Variants in CPA6 observed in about 807,000 individuals in gnomAD.
CPA6 encodes carboxypeptidase A6.
CPA6 carries 58 observed loss-of-function variants against 63.3 expected under a neutral mutation model. The ratio of observed to expected loss-of-function variants is 0.92; its 90% confidence interval spans 0.74 to 1.14. CPA6 has a LOEUF of 1.14. CPA6 is among the 50% of genes most tolerant of loss of function. CPA6 has a pLI of 0.00. For missense variants in CPA6, 565 were observed against 526.6 expected (o/e 1.07, Z -0.71); for synonymous variants, 185 against 179.0 (o/e 1.03, Z -0.27).
intron 6 of CPA6, among the ~76,000 whole-genome samples, chr8:67,499,161 T>C (rs2128963487): frequency 6.6e-6 from 1 of 152,278 alleles, no homozygotes; most frequent in South Asian, 2.1e-4. Flanking sequence ...CTCTACTAAA[T>C]TGGAATGGAG....
At chr8:67,589,577 T>C (rs1814048893) in intron 2 of CPA6, among the ~76,000 whole-genome samples, 1 of 152,200 alleles carries the variant, frequency 6.6e-6, no homozygotes, top group Admixed American at 6.5e-5. Flanking sequence ...TCAGAAGTTA[T>C]AGGGGTCTTA....
chr8:67,608,257 T>G lies in CPA6; in HGVS notation c.192+15919A>C, dbSNP rs549074183. On this transcript the variant is annotated intron_variant, in intron 2 of 10. Coordinates refer to ENST00000297770, the MANE Select transcript of CPA6 (RefSeq NM_020361.5). ...AGGCATTCCTGTTTTCATGCCGAAATATTGCCTTTTGGCCCACCATGTCCC... is the reference window on the plus strand; with the variant it reads ...AGGCATTCCTGTTTTCATGCCGAAAGATTGCCTTTTGGCCCACCATGTCCC... Among the ~76,000 whole-genome samples the G allele has an allele frequency of 1.1e-4, 17 of 152,236 alleles. No homozygotes were observed. In the South Asian group the frequency reaches 3.1e-3, roughly 28 times the overall value.
chr8:67,519,110 C>T (rs1484605), intron 2 of CPA6, among the ~76,000 whole-genome samples: 4,267 of 152,124 alleles, frequency 0.028, 204 homozygotes, highest in African/African-American at 0.096. Context: ...AGACCTCCCC[C>T]TTTGTAGTAA....
intron 2 of CPA6, among the ~76,000 whole-genome samples, chr8:67,527,964 T>G (rs1812399727): frequency 6.6e-6 from 1 of 152,164 alleles, no homozygotes; most frequent in African/African-American, 2.4e-5. Flanking sequence ...CCGGAGATGG[T>G]TCTGTCTCTC....
intron 1 of CPA6, among the ~76,000 whole-genome samples, chr8:67,644,530 G>A (rs767284159): frequency 6.6e-6 from 1 of 152,200 alleles, no homozygotes; most frequent in Non-Finnish European, 1.5e-5. Flanking sequence ...TGGGTTCTGT[G>A]TGAATAGAGG....
chr8:67,633,692 A>AG (rs1221137574), intron 1 of CPA6, among the ~76,000 whole-genome samples: 1 of 151,928 alleles, frequency 6.6e-6, no homozygotes, highest in Non-Finnish European at 1.5e-5. Flanking sequence ...AAAAAAAAAA[A>AG]AAAAAATCAA....
chr8:67,544,765 A>C (rs1182044071), intron 2 of CPA6, among the ~76,000 whole-genome samples: 1 of 152,126 alleles, frequency 6.6e-6, no homozygotes, highest in Non-Finnish European at 1.5e-5. Flanking sequence ...CTTTCGTACA[A>C]CTTAAACTTT....
chr8:67,723,317 T>G (rs1817537198), intron 1 of CPA6, among the ~76,000 whole-genome samples: 1 of 138,316 alleles, frequency 7.2e-6, no homozygotes, highest in African/African-American at 3.1e-5. Flanking sequence ...CTCTTAAAAC[T>G]TTTTTTGACA....
intron 2 of CPA6, among the ~76,000 whole-genome samples, chr8:67,596,179 A>G (rs1339575005): frequency 6.6e-6 from 1 of 152,214 alleles, no homozygotes; most frequent in Non-Finnish European, 1.5e-5. Flanking sequence ...CTCCCGAGGA[A>G]CACCCTTTAA....
intron 8 of CPA6, among the ~76,000 whole-genome samples, chr8:67,454,808 G>T (rs1222076923): frequency 3.3e-5 from 5 of 152,154 alleles, no homozygotes; most frequent in Non-Finnish European, 7.4e-5. Flanking sequence ...CACCTTTTTA[G>T]TTTTTAAGTA....
chr8:67,740,802 T>A (rs761262784), intron 1 of CPA6, among the ~76,000 whole-genome samples: 6 of 152,106 alleles, frequency 3.9e-5, no homozygotes, highest in Non-Finnish European at 8.8e-5. Flanking sequence ...ACTCCTGACC[T>A]CAGGTGATCC....
At chr8:67,424,380 C>A (rs1809838818) in intron 10 of CPA6, among the ~76,000 whole-genome samples, 1 of 152,190 alleles carries the variant, frequency 6.6e-6, no homozygotes, top group African/African-American at 2.4e-5. Context: ...GGGACTGCTG[C>A]TGTAGATGAT....
chr8:67,713,160 C>T (rs1286929192), intron 1 of CPA6, among the ~76,000 whole-genome samples: 2 of 122,950 alleles, frequency 1.6e-5, no homozygotes, highest in African/African-American at 6.2e-5. Flanking sequence ...TCAGTACTAG[C>T]CTCAGTTTCA....
chr8:67,556,639 C>T (rs145302710), intron 2 of CPA6, among the ~76,000 whole-genome samples: 22 of 152,274 alleles, frequency 1.4e-4, no homozygotes, highest in Admixed American at 4.6e-4. Context: ...CTGACACATA[C>T]GAAAGCACCC....
At chr8:67,654,116 T>G (rs1354325421) in intron 1 of CPA6, among the ~76,000 whole-genome samples, 1 of 152,160 alleles carries the variant, frequency 6.6e-6, no homozygotes, top group African/African-American at 2.4e-5. Flanking sequence ...TGGATAAGCT[T>G]TTTGATGTGC....
chr8:67,732,273 A>C (rs1817720267), intron 1 of CPA6, among the ~76,000 whole-genome samples: 1 of 152,210 alleles, frequency 6.6e-6, no homozygotes, highest in Admixed American at 6.5e-5. Flanking sequence ...CCGTAAGGGC[A>C]AATGGTTCCT....
intron 2 of CPA6, among the ~76,000 whole-genome samples, chr8:67,615,825 G>T (rs190286855): frequency 6.6e-6 from 1 of 152,334 alleles, no homozygotes; most frequent in Non-Finnish European, 1.5e-5. Context: ...AACTCAAGGA[G>T]AATCCAGTAT....
chr8:67,619,138 A>G (rs1300425771), intron 2 of CPA6, among the ~76,000 whole-genome samples: 3 of 152,230 alleles, frequency 2.0e-5, no homozygotes, highest in South Asian at 2.1e-4. Context: ...CAGAGAAGAC[A>G]TTGTGAATTT....
At chr8:67,490,551 G>T (rs1051115042) in intron 6 of CPA6, among the ~76,000 whole-genome samples, 1 of 152,114 alleles carries the variant, frequency 6.6e-6, no homozygotes, top group Non-Finnish European at 1.5e-5. Flanking sequence ...TCAATTAAAA[G>T]ATACTAAGGA....
Sources: allele counts gnomAD v4.1 joint callset (sites outside exome capture counted in the v4.1 genomes callset), GRCh38; gene constraint gnomAD v4.1.1; transcripts MANE v1.5; gene names NCBI Gene and HGNC (gene_info 2026-07-23, HGNC 2026-07-21).